Variants in SPATA31G1 observed in about 807,000 individuals in gnomAD.
SPATA31G1 encodes the protein spermatogenesis-associated protein 31G1.
chr9:35,044,410 C>G, the SPATA31G1 span: 2 of 1,614,010 alleles, frequency 1.2e-6, no homozygotes, highest in Non-Finnish European at 1.7e-6. Context: ...ATACAAAAGA[C>G]AAAAAACTCC....
At chr9:35,041,619 C>T in the SPATA31G1 span, 1 of 153,160 alleles carries the variant, frequency 6.5e-6, no homozygotes, top group Admixed American at 6.5e-5. Flanking sequence ...TATAATCCCA[C>T]CACTTTGGGA....
At chr9:35,042,152 T>G in the SPATA31G1 span, 7 of 1,472,842 alleles carry the variant, frequency 4.8e-6, no homozygotes, top group Non-Finnish European at 6.3e-6. Flanking sequence ...GGTTCTAAAT[T>G]CAGGGAGAAG....
At chr9:35,043,227 C>T in the SPATA31G1 span, 1 of 1,614,174 alleles carries the variant, frequency 6.2e-7, no homozygotes, top group African/African-American at 1.3e-5. Context: ...CTGGGGTCTC[C>T]CCTCTCTGCA....
the SPATA31G1 span, chr9:35,044,287 C>T: frequency 6.3e-5 from 102 of 1,614,094 alleles, no homozygotes; most frequent in Non-Finnish European, 1.1e-5. Flanking sequence ...AGGAATTCCT[C>T]GGCTTCTAGG....
chr9:35,044,613 G>A, the SPATA31G1 span: 14 of 1,614,018 alleles, frequency 8.7e-6, no homozygotes, highest in African/African-American at 2.7e-5. Flanking sequence ...TGAGCCTATC[G>A]CAGACCAAAG....
At chr9:35,043,714 T>G in the SPATA31G1 span, 1 of 1,614,202 alleles carries the variant, frequency 6.2e-7, no homozygotes, top group East Asian at 2.2e-5. Context: ...GAAGGAGGAC[T>G]TGCTATATCT....
the SPATA31G1 span, chr9:35,042,968 T>G: frequency 6.2e-7 from 1 of 1,614,154 alleles, no homozygotes; most frequent in Non-Finnish European, 8.5e-7. Flanking sequence ...ACGAGGCATC[T>G]CTGGATCCAC....
the SPATA31G1 span, chr9:35,042,458 G>T: frequency 1.2e-6 from 2 of 1,614,234 alleles, no homozygotes; most frequent in Non-Finnish European, 1.7e-6. Context: ...TTCATCCCTG[G>T]TGCTCTGGGA....
chr9:35,043,139 C>T, the SPATA31G1 span: 3 of 1,614,070 alleles, frequency 1.9e-6, no homozygotes, highest in Admixed American at 5.0e-5. Flanking sequence ...TCCCCATCTT[C>T]CAGATTCTGA....
chr9:35,045,504 G>A, the SPATA31G1 span: 3 of 1,614,116 alleles, frequency 1.9e-6, no homozygotes, highest in Admixed American at 5.0e-5. Context: ...CCATAGAAGA[G>A]GGACTGCAAG....
At chr9:35,043,555 C>G in the SPATA31G1 span, 2 of 1,614,180 alleles carry the variant, frequency 1.2e-6, no homozygotes, top group Admixed American at 3.3e-5. Flanking sequence ...ACACAGTCCC[C>G]TGGAACTAGC....
At chr9:35,043,938 C>G in the SPATA31G1 span, 9,147 of 1,613,770 alleles carry the variant, frequency 5.7e-3, 500 homozygotes, top group African/African-American at 0.11. Context: ...CAACCCAGAG[C>G]TCTCTGGAAC....
At chr9:35,044,759 AC>A in the SPATA31G1 span, 1 of 1,614,082 alleles carries the variant, frequency 6.2e-7, no homozygotes, top group Non-Finnish European at 8.5e-7. Context: ...GAAATGTGCA[AC>A]AAAGAGAAGT....
the SPATA31G1 span, chr9:35,042,583 C>T: frequency 7.0e-6 from 11 of 1,563,610 alleles, no homozygotes; most frequent in African/African-American, 1.3e-5. Flanking sequence ...ACTATAAGCC[C>T]TAGATGTGAG....
At chr9:35,045,573 G>A in the SPATA31G1 span, 9 of 1,614,084 alleles carry the variant, frequency 5.6e-6, no homozygotes, top group African/African-American at 2.7e-5. Context: ...AAGCCTAGTA[G>A]AGGCCCCTGT....
chr9:35,043,570 T>A, the SPATA31G1 span: 1 of 1,614,112 alleles, frequency 6.2e-7, no homozygotes, highest in Non-Finnish European at 8.5e-7. Flanking sequence ...ACTAGCCCCC[T>A]GGAAGTTCTC....
chr9:35,044,486 CTT>C, the SPATA31G1 span: 1 of 1,614,004 alleles, frequency 6.2e-7, no homozygotes, highest in African/African-American at 1.3e-5. Context: ...CTCTGGGAGT[CTT>C]GTCTGATTCT....
At chr9:35,045,839 T>C in the SPATA31G1 span, 37 of 1,611,388 alleles carry the variant, frequency 2.3e-5, no homozygotes, top group Non-Finnish European at 2.8e-5. Context: ...TGGATAACCA[T>C]CGACCCCTAC....
chr9:35,042,813 G>A, the SPATA31G1 span: 3 of 1,577,588 alleles, frequency 1.9e-6, no homozygotes, highest in Non-Finnish European at 2.6e-6. Context: ...CAAACCTTGT[G>A]TATCTGAAAA....
Sources: allele counts gnomAD v4.1 joint callset, GRCh38; gene constraint gnomAD v4.1.1; transcripts MANE v1.5; gene names NCBI Gene and HGNC (gene_info 2026-07-23, HGNC 2026-07-21).